The following CAMK1D variants were observed in gnomAD, a reference collection of about 807,000 sequenced individuals.
CAMK1D encodes the protein calcium/calmodulin dependent protein kinase ID.
CAMK1D carries 9 observed loss-of-function variants against 47.7 expected under a neutral mutation model. The observed-to-expected ratio is 0.19, with a 90% CI of 0.11 to 0.33. The LOEUF is 0.33. CAMK1D is among the 10% of genes least tolerant of loss of function. The pLI, the probability that CAMK1D is intolerant of heterozygous loss-of-function variation, is 1.00. For synonymous variants in CAMK1D, 184 were observed against 184.9 expected, an observed-to-expected ratio of 0.99 and a Z score of 0.04; for missense variants, 291 against 488.7, an observed-to-expected ratio of 0.60 and a Z score of 3.81.
intron 1 of CAMK1D, among the ~76,000 whole-genome samples, chr10:12,475,210 C>G (rs985816743): frequency 6.6e-6 from 1 of 152,118 alleles, no homozygotes; most frequent in Admixed American, 6.6e-5. Context: ...CAACCATCAC[C>G]ACCATCCATG....
intron 3 of CAMK1D, among the ~76,000 whole-genome samples, chr10:12,711,589 C>T (rs370968869): frequency 6.6e-6 from 1 of 152,194 alleles, no homozygotes. Flanking sequence ...CTGCTTGCTG[C>T]TCTTTTCAGA....
intron 1 of CAMK1D, among the ~76,000 whole-genome samples, chr10:12,457,420 A>C (rs1266627411): frequency 2.0e-5 from 3 of 151,856 alleles, no homozygotes; most frequent in African/African-American, 7.3e-5. Flanking sequence ...TGAAATGGGA[A>C]GATTTCCAGG....
intron 2 of CAMK1D, among the ~76,000 whole-genome samples, chr10:12,664,567 A>G (rs1840369904): frequency 6.6e-6 from 1 of 152,238 alleles, no homozygotes; most frequent in South Asian, 2.1e-4. Context: ...TCTGGGGCTC[A>G]GACAGCCTTC....
chr10:12,482,948 G>A (rs543060270), intron 1 of CAMK1D, among the ~76,000 whole-genome samples: 61 of 152,238 alleles, frequency 4.0e-4, no homozygotes, highest in Admixed American at 3.0e-3. Flanking sequence ...TATTTCAGGT[G>A]GTTAATAACC....
At chr10:12,780,630 C>T (rs964564489) in intron 5 of CAMK1D, among the ~76,000 whole-genome samples, 2 of 152,154 alleles carry the variant, frequency 1.3e-5, no homozygotes, top group East Asian at 1.9e-4. Flanking sequence ...CCAGTCCTTT[C>T]GTCTTCACTC....
chr10:12,528,450 A>T (rs571975452), intron 1 of CAMK1D, among the ~76,000 whole-genome samples: 3 of 152,358 alleles, frequency 2.0e-5, no homozygotes, highest in Non-Finnish European at 4.4e-5. Flanking sequence ...AAGAGGTGCC[A>T]GTAGCATTCT....
intron 1 of CAMK1D, among the ~76,000 whole-genome samples, chr10:12,423,874 C>T (rs1163074009): frequency 6.6e-6 from 1 of 152,142 alleles, no homozygotes; most frequent in African/African-American, 2.4e-5. Context: ...ATGAGAAAAG[C>T]CTTGTGCTTG....
At chr10:12,575,952 G>A (rs1014883822) in intron 2 of CAMK1D, among the ~76,000 whole-genome samples, 18 of 152,190 alleles carry the variant, frequency 1.2e-4, no homozygotes, top group African/African-American at 4.3e-4. Flanking sequence ...TAATGAAAGA[G>A]CTCAGATTTC....
At chr10:12,405,765 T>C (rs1385128344) in intron 1 of CAMK1D, among the ~76,000 whole-genome samples, 1 of 152,242 alleles carries the variant, frequency 6.6e-6, no homozygotes, top group Non-Finnish European at 1.5e-5. Context: ...TATTGTTTAA[T>C]CTGCTTTACA....
intron 2 of CAMK1D, among the ~76,000 whole-genome samples, chr10:12,612,142 A>G (rs1482868860): frequency 1.3e-5 from 2 of 152,098 alleles, no homozygotes; most frequent in African/African-American, 4.8e-5. Context: ...CCTTAAGGGA[A>G]AGCTGCTGTG....
chr10:12,614,685 T>G (rs1838728833), intron 2 of CAMK1D, among the ~76,000 whole-genome samples: 2 of 152,196 alleles, frequency 1.3e-5, no homozygotes, highest in Admixed American at 6.5e-5. Context: ...GAGGCCTTGA[T>G]AAGCCCTTGG....
chr10:12,606,813 G>C (rs1391821629), intron 2 of CAMK1D, among the ~76,000 whole-genome samples: 1 of 152,118 alleles, frequency 6.6e-6, no homozygotes, highest in Non-Finnish European at 1.5e-5. Context: ...CTCCAGCAAG[G>C]AAGTGACAGA....
chr10:12,605,888 C>T (rs933305028), intron 2 of CAMK1D, among the ~76,000 whole-genome samples: 4 of 152,124 alleles, frequency 2.6e-5, no homozygotes, highest in East Asian at 1.9e-4. Flanking sequence ...CCTGTTGCCC[C>T]GGATGGATGG....
At chr10:12,689,853 AGT>A (rs1256925726) in intron 3 of CAMK1D, among the ~76,000 whole-genome samples, 2 of 152,016 alleles carry the variant, frequency 1.3e-5, no homozygotes, top group African/African-American at 2.4e-5. Context: ...CTTATTATTA[AGT>A]GGGGGGAAAA....
At chr10:12,672,070 C>T (rs1840638387) in intron 3 of CAMK1D, among the ~76,000 whole-genome samples, 1 of 151,856 alleles carries the variant, frequency 6.6e-6, no homozygotes, top group Non-Finnish European at 1.5e-5. Flanking sequence ...CACCCGCCAC[C>T]ACGCCTGGCT....
chr10:12,449,080 T>C (rs1233330186), intron 1 of CAMK1D, among the ~76,000 whole-genome samples: 1 of 152,236 alleles, frequency 6.6e-6, no homozygotes, highest in Non-Finnish European at 1.5e-5. Flanking sequence ...CATGTTACTA[T>C]GTTATGAAAG....
chr10:12,567,092 G>A (rs1228263801), intron 2 of CAMK1D, among the ~76,000 whole-genome samples: 1 of 152,190 alleles, frequency 6.6e-6, no homozygotes, highest in Non-Finnish European at 1.5e-5. Context: ...CAGTGTGCCA[G>A]TTTCTTGTGA....
At chr10:12,585,496 G>A (rs1013657796) in intron 2 of CAMK1D, among the ~76,000 whole-genome samples, 2 of 152,110 alleles carry the variant, frequency 1.3e-5, no homozygotes, top group Non-Finnish European at 2.9e-5. Flanking sequence ...ACTCGAGACT[G>A]GATAATTTAT....
At chr10:12,350,668 T>C (rs2131826384) in intron 1 of CAMK1D, among the ~76,000 whole-genome samples, 1 of 152,384 alleles carries the variant, frequency 6.6e-6, no homozygotes, top group African/African-American at 2.4e-5. Context: ...AAGCATGTGC[T>C]GCTCAGCTCA....
Sources: gnomAD v4.1 joint callset for allele counts (sites outside exome capture counted in the v4.1 genomes callset) on GRCh38, gnomAD v4.1.1 for gene constraint, MANE v1.5 for transcripts, NCBI Gene and HGNC (gene_info 2026-07-23, HGNC 2026-07-21) for gene names.